The following CDH8 variants were observed in gnomAD, a reference collection of about 807,000 sequenced individuals.
CDH8 encodes the protein cadherin-8.
CDH8 carries 17 observed loss-of-function variants against 68.1 expected under a neutral mutation model. The ratio of observed to expected loss-of-function variants is 0.25; its 90% confidence interval spans 0.17 to 0.37. The LOEUF is 0.37. Ranked by LOEUF, CDH8 falls within the 10% of genes least tolerant of loss-of-function variation. The pLI, the probability that CDH8 is intolerant of heterozygous loss-of-function variation, is 1.00. For synonymous variants in CDH8, 372 were observed against 365.1 expected, an observed-to-expected ratio of 1.02 and a Z score of -0.21; for missense variants, 763 against 999.3, an observed-to-expected ratio of 0.76 and a Z score of 3.19.
intron 8 of CDH8, among the ~76,000 whole-genome samples, chr16:61,764,474 TATTCATATTCA>T (rs1960540748): frequency 6.6e-6 from 1 of 152,118 alleles, no homozygotes; most frequent in South Asian, 2.1e-4. Context: ...AACTGTTAAC[TATTCATATTCA>T]ATTCCTGATG....
At chr16:61,885,012 G>C (rs1963647940) in intron 3 of CDH8, among the ~76,000 whole-genome samples, 1 of 152,132 alleles carries the variant, frequency 6.6e-6, no homozygotes, top group Non-Finnish European at 1.5e-5. Flanking sequence ...GGATCAACAA[G>C]ATAAACGAAT....
chr16:61,837,505 C>T (rs1962592644), intron 4 of CDH8, among the ~76,000 whole-genome samples: 1 of 152,014 alleles, frequency 6.6e-6, no homozygotes, highest in Non-Finnish European at 1.5e-5. Context: ...TATCAAACAA[C>T]TACTGCATAT....
rs180687007 is a variant in CDH8, at chr16:61,756,192, T to A, written c.1415-28977A>T. The stretch of plus-strand genomic sequence containing the variant: ...CACTGATATTTTGTACATTTTTGTG[T>A]CTTTAAAATATATAATACAAGCAAG... On this transcript the variant is annotated intron_variant, in intron 8 of 11. Coordinates refer to ENST00000577390, the MANE Select transcript of CDH8 (RefSeq NM_001796.5). Among the ~76,000 whole-genome samples, 108 of 152,258 alleles carry A rather than the reference T, an allele frequency of 7.1e-4. 1 individual carries two copies. The highest frequency in any genetic ancestry group is 1.3e-3 in the Non-Finnish European group (90 of 68,026).
intron 11 of CDH8, 24 bp from the exon 12 acceptor site, chr16:61,654,125 A>G (rs779316717): frequency 1.3e-6 from 2 of 1,594,186 alleles, no homozygotes; most frequent in African/African-American, 1.3e-5. Context: ...ATTAAATAAC[A>G]GTCAGCCAAA....
At chr16:61,779,465 G>GCA (rs1960991420) in intron 8 of CDH8, among the ~76,000 whole-genome samples, 1 of 130,408 alleles carries the variant, frequency 7.7e-6, no homozygotes. Flanking sequence ...GTGTGTGTGT[G>GCA]CGCGCATGGT....
At chr16:61,706,221 A>G (rs1964527861) in intron 10 of CDH8, among the ~76,000 whole-genome samples, 1 of 152,240 alleles carries the variant, frequency 6.6e-6, no homozygotes, top group Non-Finnish European at 1.5e-5. Context: ...AGATAAGGGA[A>G]GCCAATACCT....
At chr16:61,976,661 C>T (rs1181088037) in intron 2 of CDH8, among the ~76,000 whole-genome samples, 2 of 152,186 alleles carry the variant, frequency 1.3e-5, no homozygotes, top group East Asian at 3.9e-4. Context: ...TTTGCTACCA[C>T]CAAAAATTCC....
intron 7 of CDH8, among the ~76,000 whole-genome samples, chr16:61,804,118 C>G (rs1961736479): frequency 7.2e-6 from 1 of 138,728 alleles, no homozygotes; most frequent in Non-Finnish European, 1.5e-5. Flanking sequence ...AACAAACTAT[C>G]TCTCAGATCA....
At chr16:61,861,590 C>T (rs753987380) in intron 3 of CDH8, among the ~76,000 whole-genome samples, 1 of 152,186 alleles carries the variant, frequency 6.6e-6, no homozygotes, top group African/African-American at 2.4e-5. Flanking sequence ...ATTCTACAAG[C>T]CTCAAAGTTT....
chr16:61,985,069 G>A (rs1374083786), intron 2 of CDH8, among the ~76,000 whole-genome samples: 3 of 151,148 alleles, frequency 2.0e-5, no homozygotes, highest in Non-Finnish European at 4.4e-5. Flanking sequence ...CTCTTGATAT[G>A]TGTTAATGTA....
chr16:61,836,929 GC>G (rs1262171070), intron 4 of CDH8, among the ~76,000 whole-genome samples: 2 of 151,930 alleles, frequency 1.3e-5, no homozygotes, highest in Non-Finnish European at 2.9e-5. Context: ...AATTCAAAGG[GC>G]ACAGATCTCA....
At chr16:61,902,260 T>C (rs975315163) in intron 2 of CDH8, among the ~76,000 whole-genome samples, 1 of 152,076 alleles carries the variant, frequency 6.6e-6, no homozygotes, top group Non-Finnish European at 1.5e-5. Flanking sequence ...TAGCAATGAA[T>C]ATTTACTGAA....
intron 10 of CDH8, among the ~76,000 whole-genome samples, chr16:61,690,675 TGTGCCAG>T (rs1964202980): frequency 6.6e-6 from 1 of 152,034 alleles, no homozygotes; most frequent in Non-Finnish European, 1.5e-5. Context: ...TTCTTTTTCC[TGTGCCAG>T]GTAACACGTT....
Position 61,648,754 on chromosome 16 carries a change from T to C in CDH8, c.*4854A>G, listed in dbSNP as rs995575922. The C allele has an allele frequency of 1.3e-5, 2 of 151,966 alleles. No homozygotes were observed. The highest frequency in any genetic ancestry group is 2.4e-5 in the African/African-American group (1 of 41,444). 9.4% of individuals were successfully genotyped at this position (151,966 alleles called of 1,614,324 possible). ...AATTTCTGTACTGATAGATACTCAA[T>C]AAATGTGACAGACAAAATTCTTTTT... is the stretch of plus-strand genomic sequence containing the variant. On this transcript the variant is annotated 3_prime_UTR_variant, in exon 12 of 12. Coordinates refer to ENST00000577390, the MANE Select transcript of CDH8 (RefSeq NM_001796.5).
chr16:61,651,071 A>T lies in CDH8; in HGVS notation c.*2537T>A, dbSNP rs975237601. 1.3e-5 allele frequency: 2 copies of T among 152,172 alleles called. No homozygotes were observed. Among genetic ancestry groups the T allele is most frequent in the African/African-American group, 4.8e-5 (2 of 41,450 alleles). 9.4% of individuals were successfully genotyped at this position (152,172 alleles called of 1,614,324 possible). A position where few individuals can be genotyped will look rare whatever the true frequency, so the allele number is the denominator to read the frequency against. Reference sequence around the variant, plus strand: ...GATACAGATTTTATACTCCTTAAAAAATACTGTAATTATTCTGTTAGACAT... The same window carrying T: ...GATACAGATTTTATACTCCTTAAAATATACTGTAATTATTCTGTTAGACAT... On this transcript the variant is annotated 3_prime_UTR_variant, in exon 12 of 12. Coordinates refer to ENST00000577390, the MANE Select transcript of CDH8 (RefSeq NM_001796.5).
chr16:61,804,247 A>C (rs1376523419), intron 7 of CDH8, among the ~76,000 whole-genome samples: 1 of 152,014 alleles, frequency 6.6e-6, no homozygotes. Context: ...GAAGGCAGAA[A>C]TAAAGATGTT....
At chr16:61,740,684 T>G (rs182846933) in intron 8 of CDH8, among the ~76,000 whole-genome samples, 178 of 152,334 alleles carry the variant, frequency 1.2e-3, no homozygotes, top group Non-Finnish European at 2.2e-3. Flanking sequence ...TTTAGTTCAA[T>G]GTAATATTTT....
chr16:61,915,323 T>C (rs1964221462), intron 2 of CDH8, among the ~76,000 whole-genome samples: 1 of 152,204 alleles, frequency 6.6e-6, no homozygotes, highest in Admixed American at 6.5e-5. Flanking sequence ...ATCCTAGATA[T>C]ATTATATTCA....
At chr16:61,890,619 C>T (rs1963758763) in intron 3 of CDH8, among the ~76,000 whole-genome samples, 1 of 152,080 alleles carries the variant, frequency 6.6e-6, no homozygotes, top group Admixed American at 6.6e-5. Flanking sequence ...AAATTTTGTT[C>T]CAGTAGGTTC....
Sources: gnomAD v4.1 joint callset for allele counts (sites outside exome capture counted in the v4.1 genomes callset) on GRCh38, gnomAD v4.1.1 for gene constraint, MANE v1.5 for transcripts, NCBI Gene and HGNC (gene_info 2026-07-23, HGNC 2026-07-21) for gene names.